Variants in DLC1 observed in about 807,000 individuals in gnomAD.
DLC1 encodes DLC1 Rho GTPase activating protein.
DLC1 carries 54 observed loss-of-function variants against 140.3 expected under a neutral mutation model. That is an observed-to-expected ratio of 0.38 (90% CI 0.31 to 0.48). DLC1 has a LOEUF of 0.48. Ranked by LOEUF, DLC1 falls within the 20% of genes least tolerant of loss-of-function variation. The pLI is 0.96. For missense variants in DLC1, 2,536 were observed against 1,907.0 expected (o/e 1.33, Z -6.14); for synonymous variants, 986 against 728.1 (o/e 1.35, Z -5.70).
intron 1 of DLC1, among the ~76,000 whole-genome samples, chr8:13,524,666 T>C (rs994101133): frequency 6.6e-6 from 1 of 152,084 alleles, no homozygotes; most frequent in Non-Finnish European, 1.5e-5. Context: ...AGAAAGGCAT[T>C]GTTTTTGTAT....
At chr8:13,209,449 AGTCT>A (rs1827833119) in intron 5 of DLC1, among the ~76,000 whole-genome samples, 2 of 152,318 alleles carry the variant, frequency 1.3e-5, no homozygotes, top group African/African-American at 2.4e-5. Context: ...TCTGCTCATC[AGTCT>A]GTCTGACAAA....
rs374727294 is a variant in DLC1 at position 13,270,497 on chromosome 8, A to G, written c.1348+34772T>C. On this transcript the variant is annotated intron_variant, in intron 5 of 17. Coordinates refer to ENST00000276297, the MANE Select transcript of DLC1 (RefSeq NM_182643.3). ...CATGTTTGGCTCCATCTATACAGCA[A>G]TTTTCAAAGCAGGTCCCAACGTGCT... Among the ~76,000 whole-genome samples the G allele has an allele frequency of 7.2e-5, 11 of 152,210 alleles. No homozygotes were observed. In the East Asian group the frequency reaches 2.1e-3, roughly 29 times the overall value.
intron 7 of DLC1, among the ~76,000 whole-genome samples, chr8:13,103,507 G>T (rs1819283040): frequency 6.6e-6 from 1 of 151,584 alleles, no homozygotes; most frequent in East Asian, 1.9e-4. Flanking sequence ...TAACTCTTAG[G>T]TTGAGCCATT....
intron 2 of DLC1, among the ~76,000 whole-genome samples, chr8:13,412,282 C>T (rs915232644): frequency 2.6e-5 from 4 of 152,078 alleles, no homozygotes; most frequent in Non-Finnish European, 5.9e-5. Context: ...CATGACCACA[C>T]TCAAGTTTGA....
chr8:13,311,587 A>C (rs952957095), intron 4 of DLC1, among the ~76,000 whole-genome samples: 2 of 152,230 alleles, frequency 1.3e-5, no homozygotes, highest in Non-Finnish European at 2.9e-5. Context: ...AAAAGTTATC[A>C]GCAATATTGA....
chr8:13,404,487 A>T (rs1221965472), intron 2 of DLC1, among the ~76,000 whole-genome samples: 1 of 152,180 alleles, frequency 6.6e-6, no homozygotes, highest in East Asian at 1.9e-4. Flanking sequence ...CTTGAATAGA[A>T]ACATTGATAG....
At chr8:13,318,707 A>T (rs1832959807) in intron 4 of DLC1, among the ~76,000 whole-genome samples, 1 of 152,228 alleles carries the variant, frequency 6.6e-6, no homozygotes, top group African/African-American at 2.4e-5. Flanking sequence ...CATCCTTGAG[A>T]TGCCTAATGA....
Position 13,312,386 on chromosome 8 carries a change from A to AAAAATAATAATAAT in DLC1, c.1315-7085_1315-7084insATTATTATTATTTT, listed in dbSNP as rs71207139. ...AAAAAAAAAAAAAAAAAAAAAAAAA[A>AAAAATAATAATAAT]AATAATTTCTTTAGCAAGCTAGATA... On this transcript the variant is annotated intron_variant, in intron 4 of 17. Coordinates refer to ENST00000276297, the MANE Select transcript of DLC1 (RefSeq NM_182643.3). 2.3e-4 allele frequency among the ~76,000 whole-genome samples: 19 copies of AAAAATAATAATAAT among 81,678 alleles called. 1 individual carries two copies. The highest frequency in any genetic ancestry group is 8.5e-4 in the African/African-American group (19 of 22,376). The allele number at this position is 81,678 out of a possible 152,430, so 53.6% of individuals were successfully genotyped here.
intron 1 of DLC1, among the ~76,000 whole-genome samples, chr8:13,502,164 G>A (rs1418840460): frequency 2.6e-5 from 4 of 152,136 alleles, no homozygotes; most frequent in Non-Finnish European, 5.9e-5. Context: ...ATTAATTTCT[G>A]TCACTCAACC....
At chr8:13,336,433 T>C (rs1833813328) in intron 4 of DLC1, among the ~76,000 whole-genome samples, 1 of 152,224 alleles carries the variant, frequency 6.6e-6, no homozygotes, top group Non-Finnish European at 1.5e-5. Flanking sequence ...TTTTAAACTC[T>C]CAAAACAAAG....
At chr8:13,334,916 T>A (rs1833756607) in intron 4 of DLC1, among the ~76,000 whole-genome samples, 1 of 152,200 alleles carries the variant, frequency 6.6e-6, no homozygotes, top group African/African-American at 2.4e-5. Flanking sequence ...GCCTCTTAAC[T>A]TTATCTGGAA....
intron 4 of DLC1, among the ~76,000 whole-genome samples, chr8:13,390,687 T>G (rs1410602307): frequency 6.6e-6 from 1 of 152,152 alleles, no homozygotes; most frequent in African/African-American, 2.4e-5. Context: ...ACATGTATCC[T>G]GGAACTTTAA....
chr8:13,086,762 G>A (rs1016474102), intron 16 of DLC1, among the ~76,000 whole-genome samples: 2 of 152,194 alleles, frequency 1.3e-5, no homozygotes, highest in Admixed American at 6.5e-5. Context: ...CATGGCTCAC[G>A]CCTGTAATCC....
intron 2 of DLC1, among the ~76,000 whole-genome samples, chr8:13,415,116 A>G (rs1347017893): frequency 6.6e-6 from 1 of 151,704 alleles, no homozygotes; most frequent in Admixed American, 6.6e-5. Context: ...CTGGCCCACG[A>G]TGTTATTTTT....
intron 1 of DLC1, among the ~76,000 whole-genome samples, chr8:13,600,622 C>T (rs1324336348): frequency 1.3e-5 from 2 of 151,874 alleles, no homozygotes; most frequent in Non-Finnish European, 2.9e-5. Flanking sequence ...CATTGCACTC[C>T]TGTACATGAC....
chr8:13,597,655 C>T (rs1805727491), intron 1 of DLC1, among the ~76,000 whole-genome samples: 2 of 151,888 alleles, frequency 1.3e-5, no homozygotes, highest in Admixed American at 1.3e-4. Flanking sequence ...ATGGGATGCA[C>T]ACACATGGGA....
At chr8:13,538,768 G>A (rs1421938973) in intron 1 of DLC1, among the ~76,000 whole-genome samples, 1 of 152,192 alleles carries the variant, frequency 6.6e-6, no homozygotes, top group Non-Finnish European at 1.5e-5. Flanking sequence ...CAGATTTCAA[G>A]CTCAGACTGC....
rs537241712 is a variant in DLC1 at position 13,329,024 on chromosome 8, G to A, written c.1315-23722C>T. Among the ~76,000 whole-genome samples, 39 of 152,230 alleles carry A rather than the reference G, an allele frequency of 2.6e-4. 1 individual carries two copies. In the South Asian group the frequency reaches 7.1e-3, roughly 28 times the overall value. On this transcript the variant is annotated intron_variant, in intron 4 of 17. Transcript: ENST00000276297. ...TGAAGAGGAAGCTGGAGGGTAGGAA[G>A]CAAAGACATTTATTCATTGAATCAC...
chr8:13,188,839 ATATATTTT>A (rs1826565757), intron 5 of DLC1, among the ~76,000 whole-genome samples: 2 of 27,286 alleles, frequency 7.3e-5, no homozygotes, highest in African/African-American at 2.3e-4. Context: ...ATATATATAT[ATATATTTT>A]TTTTTTTTTT....
Sources: gnomAD v4.1 joint callset for allele counts (sites outside exome capture counted in the v4.1 genomes callset) on GRCh38, gnomAD v4.1.1 for gene constraint, MANE v1.5 for transcripts, NCBI Gene and HGNC (gene_info 2026-07-23, HGNC 2026-07-21) for gene names.